Variants in TUSC3 observed in about 807,000 individuals in gnomAD.
The protein encoded by TUSC3 is tumor suppressor candidate 3, also known as dolichyl-diphosphooligosaccharide--protein glycosyltransferase subunit TUSC3.
Under a neutral mutation model 44.8 loss-of-function variants are expected in TUSC3, and 45 were observed. That is an observed-to-expected ratio of 1.00 (90% CI 0.79 to 1.29). The LOEUF is 1.29. TUSC3 is among the 50% of genes most tolerant of loss of function. The pLI, the probability that TUSC3 is intolerant of heterozygous loss-of-function variation, is 0.00. For synonymous variants in TUSC3, 212 were observed against 152.9 expected (o/e 1.39, Z -2.85); for missense variants, 519 against 437.9 (o/e 1.19, Z -1.65).
At chr8:15,660,069 G>T (rs921356966) in intron 4 of TUSC3, among the ~76,000 whole-genome samples, 1 of 151,916 alleles carries the variant, frequency 6.6e-6, no homozygotes, top group African/African-American at 2.4e-5. Flanking sequence ...ACTATAAATT[G>T]GTGTAACCAT....
intron 1 of TUSC3, among the ~76,000 whole-genome samples, chr8:15,574,490 C>T (rs1289733411): frequency 2.6e-5 from 4 of 152,022 alleles, no homozygotes; most frequent in African/African-American, 7.2e-5. Flanking sequence ...AGGCCCTTTC[C>T]TGTAACTGGA....
intron 6 of TUSC3, among the ~76,000 whole-genome samples, chr8:15,690,538 G>T (rs1275720789): frequency 2.0e-5 from 3 of 151,878 alleles, no homozygotes; most frequent in Non-Finnish European, 4.4e-5. Context: ...CTTTTTCTTG[G>T]AGTTGCTTTG....
intron 7 of TUSC3, among the ~76,000 whole-genome samples, chr8:15,735,695 A>AT (rs905938574): frequency 5.4e-4 from 82 of 152,046 alleles, no homozygotes; most frequent in African/African-American, 1.9e-3. Flanking sequence ...ATGTTGATTT[A>AT]TTTTTTATTT....
the TUSC3 span, among the ~76,000 whole-genome samples, chr8:15,842,030 T>G: frequency 6.6e-6 from 1 of 152,224 alleles, no homozygotes; most frequent in Admixed American, 6.5e-5. Context: ...TTTAGTGACT[T>G]GCTAACTGGA....
chr8:15,607,010 A>G (rs1399579414), intron 1 of TUSC3, among the ~76,000 whole-genome samples: 1 of 152,046 alleles, frequency 6.6e-6, no homozygotes, highest in African/African-American at 2.4e-5. Context: ...AGTTAATATT[A>G]GCATTCAACA....
At chr8:15,731,706 T>G (rs1432167403) in intron 7 of TUSC3, among the ~76,000 whole-genome samples, 1 of 152,180 alleles carries the variant, frequency 6.6e-6, no homozygotes, top group Non-Finnish European at 1.5e-5. Flanking sequence ...ATTTCACCAA[T>G]GAATGTTAGT....
chr8:15,508,404 G>A (rs966947687), intron 2 of TUSC3, among the ~76,000 whole-genome samples: 2 of 148,172 alleles, frequency 1.3e-5, no homozygotes, highest in African/African-American at 4.9e-5. Flanking sequence ...GATTTAGAGA[G>A]ATTATAGATA....
intron 2 of TUSC3, among the ~76,000 whole-genome samples, chr8:15,490,923 A>G (rs774818837): frequency 4.6e-5 from 7 of 152,214 alleles, no homozygotes; most frequent in Non-Finnish European, 7.3e-5. Context: ...ACACAAAACT[A>G]TCAGAAAAAA....
chr8:15,642,310 T>C (rs898593992), intron 2 of TUSC3, among the ~76,000 whole-genome samples: 2 of 152,212 alleles, frequency 1.3e-5, no homozygotes, highest in Admixed American at 6.5e-5. Flanking sequence ...CTCTATGCTT[T>C]TTATTCAATT....
At chr8:15,696,566 A>T (rs1231355822) in intron 6 of TUSC3, among the ~76,000 whole-genome samples, 1 of 152,006 alleles carries the variant, frequency 6.6e-6, no homozygotes, top group African/African-American at 2.4e-5. Context: ...CGTCCTCCAG[A>T]CCCCAGAATG....
intron 5 of TUSC3, 51 bp downstream of exon 5, chr8:15,662,347 A>G (rs1254127253): frequency 1.1e-5 from 17 of 1,606,086 alleles, no homozygotes; most frequent in Non-Finnish European, 1.4e-5. Context: ...GTGTAATAAT[A>G]TAAGTTGTAT....
chr8:15,544,916 A>C (rs947163125), intron 1 of TUSC3, among the ~76,000 whole-genome samples: 1 of 151,838 alleles, frequency 6.6e-6, no homozygotes, highest in Non-Finnish European at 1.5e-5. Context: ...CCATAGTGTC[A>C]TGGATGATGG....
chr8:15,510,290 G>C (rs540913241), intron 2 of TUSC3, among the ~76,000 whole-genome samples: 8 of 152,038 alleles, frequency 5.3e-5, no homozygotes, highest in Non-Finnish European at 1.2e-4. Context: ...AAAAAGAAAA[G>C]AATTGGTAAA....
chr8:15,621,632 GATAA>G (rs1254153776), intron 1 of TUSC3, among the ~76,000 whole-genome samples: 4 of 145,422 alleles, frequency 2.8e-5, no homozygotes, highest in African/African-American at 5.0e-5. Context: ...ATTATATATA[GATAA>G]ATCTATATAG....
At chr8:15,588,287 G>C (rs374132336) in intron 1 of TUSC3, among the ~76,000 whole-genome samples, 2 of 152,054 alleles carry the variant, frequency 1.3e-5, no homozygotes, top group African/African-American at 4.8e-5. Context: ...CAGTGGTTTT[G>C]ATTTGCTTTT....
chr8:15,671,826 G>C (rs1807957623), intron 5 of TUSC3, among the ~76,000 whole-genome samples: 1 of 151,968 alleles, frequency 6.6e-6, no homozygotes, highest in Non-Finnish European at 1.5e-5. Context: ...AATAAACCTT[G>C]TATGAATAAA....
chr8:15,812,734 G>A, the TUSC3 span, among the ~76,000 whole-genome samples: 1 of 99,798 alleles, frequency 1.0e-5, no homozygotes, highest in Admixed American at 1.0e-4. Flanking sequence ...AACATGATAT[G>A]CCTTATTCCA....
chr8:15,526,164 C>T (rs977938596), intron 2 of TUSC3, among the ~76,000 whole-genome samples: 6 of 152,022 alleles, frequency 3.9e-5, no homozygotes, highest in African/African-American at 1.4e-4. Flanking sequence ...TCCCGAGTAG[C>T]TGTGACTACA....
At chr8:15,551,953 A>C (rs10100797) in intron 1 of TUSC3, among the ~76,000 whole-genome samples, 55,813 of 151,106 alleles carry the variant, frequency 0.37, 11,751 homozygotes, top group Non-Finnish European at 0.44. Context: ...ATTCCAGGGA[A>C]CTTTATACTG....
Sources: allele counts gnomAD v4.1 joint callset (sites outside exome capture counted in the v4.1 genomes callset), GRCh38; gene constraint gnomAD v4.1.1; transcripts MANE v1.5; gene names NCBI Gene and HGNC (gene_info 2026-07-23, HGNC 2026-07-21).